The following COL18A1 variants were observed in gnomAD, a reference collection of about 807,000 sequenced individuals.
COL18A1 encodes collagen alpha-1(XVIII) chain.
A neutral mutation model predicts 168.0 loss-of-function variants in COL18A1; 133 were observed. That is an observed-to-expected ratio of 0.79 (90% CI 0.69 to 0.91). The LOEUF is 0.91. Ranked by LOEUF, COL18A1 falls within the 40% of genes least tolerant of loss-of-function variation. COL18A1 has a pLI of 0.00. For missense variants in COL18A1, 2,126 were observed against 1,925.4 expected, an observed-to-expected ratio of 1.10 and a Z score of -1.95; for synonymous variants, 949 against 809.0, an observed-to-expected ratio of 1.17 and a Z score of -2.94.
Position 45,405,423 on chromosome 21 carries a change from T to C in COL18A1, c.56T>C (p.Leu19Pro). The C allele has an allele frequency of 7.3e-7, 1 of 1,361,364 alleles. No homozygotes were observed. The highest frequency in any genetic ancestry group is 1.6e-5 in the South Asian group (1 of 62,628). 84.3% of individuals were successfully genotyped at this position (1,361,364 alleles called of 1,614,324 possible). ...CGGCGGCGGCGCCTCCTGGACGTGC[T>C]CGCGCCCCTGGTCCTGCTGCTCGGG... Reference protein sequence around the residue: ...WPRRRRLLDVLAPLVLLLGVR... With the variant: ...WPRRRRLLDVPAPLVLLLGVR... The change falls in exon 2 of 42, where the codon CTC becomes CCC. Residue 19 changes from leucine (L) to proline (P), a missense_variant. By Grantham distance (98) the Leu-to-Pro change is moderately conservative. Coordinates refer to ENST00000651438, the MANE Select transcript of COL18A1 (RefSeq NM_001379500.1).
rs529852290 is a variant in COL18A1 at position 45,487,929 on chromosome 21, A to G, written c.1896+420A>G. Among the ~76,000 whole-genome samples, 6 of 152,350 alleles carry G rather than the reference A, an allele frequency of 3.9e-5. No homozygotes were observed. In the South Asian group the frequency reaches 1.2e-3, roughly 32 times the overall value. Reference sequence around the variant, plus strand: ...TCTACTGTTAACATGTATACTGCTCAGGGTTAGAGCCAGCAAGGAGTGACC... The same window carrying G: ...TCTACTGTTAACATGTATACTGCTCGGGGTTAGAGCCAGCAAGGAGTGACC... On this transcript the variant is annotated intron_variant, in intron 17 of 41. Coordinates refer to ENST00000651438, the MANE Select transcript of COL18A1 (RefSeq NM_001379500.1).
At chr21:45,507,290 G>A (rs536104844) in intron 37 of COL18A1, 55 of 545,534 alleles carry the variant, frequency 1.0e-4, no homozygotes, top group Middle Eastern at 4.9e-4. Context: ...TGGGAGGGCC[G>A]GGTGCTGGGC....
chr21:45,490,745 A>C lies in COL18A1; in HGVS notation c.2032-91A>C, dbSNP rs2036306497. On this transcript the variant is annotated intron_variant, in intron 20 of 41. Coordinates refer to ENST00000651438, the MANE Select transcript of COL18A1 (RefSeq NM_001379500.1). ...GGCCCCAGCCGGTCGGGAAATAAAG[A>C]ACCCCACATCTTCATCAGAGCCATC... is the stretch of plus-strand genomic sequence containing the variant. 8 of 1,293,566 alleles carry C rather than the reference A, an allele frequency of 6.2e-6. No homozygotes were observed. In the East Asian group the frequency reaches 2.1e-4, roughly 34 times the overall value. 80.1% of individuals were successfully genotyped at this position (1,293,566 alleles called of 1,614,324 possible). A position where few individuals can be genotyped will look rare whatever the true frequency, so the allele number is the denominator to read the frequency against.
chr21:45,493,795 A>C, intron 26 of COL18A1: 2 of 556,684 alleles, frequency 3.6e-6, no homozygotes, highest in Non-Finnish European at 3.2e-6. Flanking sequence ...TCCTCTCCCT[A>C]CCCCTGAGCC....
Position 45,444,108 on chromosome 21 carries a change from C to T in COL18A1, c.107-24134C>T, listed in dbSNP as rs115671139. ...TTCGGCCCCTTCCCCGTTGCACATCCTGGCCTGGCGTGGTCGTCCCGTGGC... is the reference window on the plus strand; with the variant it reads ...TTCGGCCCCTTCCCCGTTGCACATCTTGGCCTGGCGTGGTCGTCCCGTGGC... On this transcript the variant is annotated intron_variant, in intron 2 of 41. Transcript: ENST00000651438. Among the ~76,000 whole-genome samples, 628 of 152,314 alleles carry T rather than the reference C, an allele frequency of 4.1e-3. 3 individuals are homozygous for T. Among genetic ancestry groups the T allele is most frequent in the African/African-American group, 0.015 (604 of 41,570 alleles).
chr21:45,487,364 CCT>C (rs1313375790), intron 16 of COL18A1, 81 bp from the exon 17 acceptor site: 4 of 1,511,664 alleles, frequency 2.6e-6, no homozygotes, highest in East Asian at 4.5e-5. Context: ...GTCCCACCCT[CCT>C]CTCGGGCAGT....
rs1272002645 is a variant in COL18A1 at position 45,468,426 on chromosome 21, C to T, written c.291C>T (p.His97=). The change falls in exon 3 of 42, where the codon CAC becomes CAT. Residue 97 remains histidine (H), a synonymous_variant. Transcript: ENST00000651438. The stretch of plus-strand genomic sequence containing the variant: ...TCCGTGACTTCTCACTGCTGTTCCA[C>T]ATCCGGCCAGCCACAGAGGGCCCAG... ...LFFRDFSLLF[H]IRPATEGPGV... is the part of the protein sequence containing the mutation. 6 of 1,613,936 alleles carry T rather than the reference C, an allele frequency of 3.7e-6. No homozygotes were observed. Among genetic ancestry groups the T allele is most frequent in the Non-Finnish European group, 5.1e-6 (6 of 1,180,044 alleles).
intron 2 of COL18A1, among the ~76,000 whole-genome samples, chr21:45,442,922 GGGC>G (rs1386218790): frequency 2.5e-4 from 27 of 106,706 alleles, no homozygotes; most frequent in African/African-American, 4.7e-4. Context: ...GTGCTGGTGT[GGGC>G]GGTGGTGGTG....
chr21:45,406,103 C>T (rs901632852), intron 2 of COL18A1, among the ~76,000 whole-genome samples: 1 of 152,206 alleles, frequency 6.6e-6, no homozygotes, highest in East Asian at 1.9e-4. Context: ...GCAAACGGTG[C>T]GCGGGGCCCG....
chr21:45,507,770 C>T (rs1032152291), intron 38 of COL18A1, among the ~76,000 whole-genome samples, 177 bp downstream of exon 38: 8 of 152,166 alleles, frequency 5.3e-5, no homozygotes, highest in African/African-American at 1.4e-4. Flanking sequence ...TCTGTCTCAG[C>T]GCTGGCCCCC....
At chr21:45,412,588 T>C (rs2033331159) in intron 2 of COL18A1, among the ~76,000 whole-genome samples, 2 of 152,216 alleles carry the variant, frequency 1.3e-5, no homozygotes, top group Admixed American at 1.3e-4. Context: ...CTCATTTTTC[T>C]GGTCCCTTTA....
chr21:45,486,851 C>T lies in COL18A1; in HGVS notation c.1702-10C>T, dbSNP rs1264362792. On this transcript the variant is annotated splice_polypyrimidine_tract_variant and intron_variant, in intron 15 of 41. Transcript: ENST00000651438. ...GCTGGGTCCTGACACGCTCTCCTCA[C>T]CCCACGCAGGGGAGCAAGGGAGCCC... is the stretch of plus-strand genomic sequence containing the variant. 6.5e-7 allele frequency: 1 copy of T among 1,527,314 alleles called. No homozygotes were observed. The highest frequency in any genetic ancestry group is 8.8e-7 in the Non-Finnish European group (1 of 1,140,292). The allele number at this position is 1,527,314 out of a possible 1,614,324, so 94.6% of individuals were successfully genotyped here. A position where few individuals can be genotyped will look rare whatever the true frequency, so the allele number is the denominator to read the frequency against.
intron 2 of COL18A1, among the ~76,000 whole-genome samples, chr21:45,460,602 G>T (rs997309516): frequency 2.6e-5 from 4 of 152,244 alleles, no homozygotes; most frequent in Admixed American, 2.6e-4. Flanking sequence ...CTTATATGGT[G>T]CTTACCTCTT....
intron 15 of COL18A1, among the ~76,000 whole-genome samples, chr21:45,483,023 C>T (rs907809497): frequency 7.2e-5 from 11 of 152,218 alleles, no homozygotes; most frequent in African/African-American, 2.7e-4. Flanking sequence ...GTGGCTTCGG[C>T]CCTTGTCACT....
intron 25 of COL18A1, 30 bp from the exon 26 acceptor site, chr21:45,493,471 C>CT: frequency 6.5e-7 from 1 of 1,543,648 alleles, no homozygotes; most frequent in South Asian, 1.2e-5. Flanking sequence ...GGAGCTGGCC[C>CT]TGACTCTGCT....
Position 45,471,314 on chromosome 21 carries a change from T to C in COL18A1, c.651+2528T>C, listed in dbSNP as rs2035421953. On this transcript the variant is annotated intron_variant, in intron 3 of 41. Coordinates refer to ENST00000651438, the MANE Select transcript of COL18A1 (RefSeq NM_001379500.1). This position sits in a 1 kb window ranked among gnomAD's most constrained non-coding sequence, Gnocchi z 4.4. ...ATTCCAGCTGGGGAGAGGAGAAGCATGCTTGTGTGGTAGAAAAGAAGACAG... is the reference window on the plus strand; with the variant it reads ...ATTCCAGCTGGGGAGAGGAGAAGCACGCTTGTGTGGTAGAAAAGAAGACAG... 6.6e-6 allele frequency among the ~76,000 whole-genome samples: 1 copy of C among 152,196 alleles called. No individual in the cohort carries two copies. The highest frequency in any genetic ancestry group is 2.1e-4 in the South Asian group (1 of 4,834).
In COL18A1 at chr21:45,510,117, C is replaced by G. The variant is rs370643343; in HGVS notation, c.3549C>G (p.Arg1183=). The G allele has an allele frequency of 1.3e-6, 2 of 1,597,196 alleles. No individual in the cohort carries two copies. Among genetic ancestry groups the G allele is most frequent in the Non-Finnish European group, 1.7e-6 (2 of 1,173,422 alleles). Residue 1183 remains arginine (R), a synonymous_variant, in exon 40 of 42, where the codon CGC becomes CGG. Coordinates refer to ENST00000651438, the MANE Select transcript of COL18A1 (RefSeq NM_001379500.1). ...SPLSGGMRGI[R]GADFQCFQQA... ...TGTCAGGCGGCATGCGGGGCATCCG[C>G]GGGGCCGACTTCCAGTGCTTCCAGC...
intron 4 of COL18A1, among the ~76,000 whole-genome samples, chr21:45,474,349 G>A (rs1568899117): frequency 2.0e-5 from 3 of 150,386 alleles, no homozygotes; most frequent in African/African-American, 4.9e-5. Flanking sequence ...GGATGTGTGT[G>A]TGTCTGTGTG....
intron 32 of COL18A1, among the ~76,000 whole-genome samples, chr21:45,502,084 G>GC (rs139074237): frequency 0.16 from 14,860 of 90,086 alleles, 2,400 homozygotes; most frequent in African/African-American, 0.4. Flanking sequence ...ACCCCCAGGG[G>GC]CTCCACAGCC....
Sources: allele counts gnomAD v4.1 joint callset (sites outside exome capture counted in the v4.1 genomes callset), GRCh38; gene constraint gnomAD v4.1.1; non-coding constraint Gnocchi (gnomAD v3.1); transcripts MANE v1.5; gene names NCBI Gene and HGNC (gene_info 2026-07-23, HGNC 2026-07-21).